PXDNL: variants seen among roughly 807,000 people sequenced by gnomAD.
The protein encoded by PXDNL is probable oxidoreductase PXDNL.
A neutral mutation model predicts 150.8 loss-of-function variants in PXDNL; 145 were observed. The ratio of observed to expected loss-of-function variants is 0.96; its 90% CI spans 0.84 to 1.10. PXDNL has a LOEUF of 1.10. PXDNL is among the 50% of genes least tolerant of loss of function. The pLI is 0.00. For synonymous variants in PXDNL, 757 were observed against 725.7 expected (o/e 1.04, Z -0.69); for missense variants, 2,087 against 1,873.9 (o/e 1.11, Z -2.10).
At chr8:51,465,848 A>T (rs1810193924) in intron 8 of PXDNL, among the ~76,000 whole-genome samples, 1 of 152,172 alleles carries the variant, frequency 6.6e-6, no homozygotes, top group Non-Finnish European at 1.5e-5. Context: ...CAAGTAAGTG[A>T]AATATTGCTG....
intron 1 of PXDNL, among the ~76,000 whole-genome samples, chr8:51,769,914 T>C (rs947014420): frequency 1.3e-5 from 2 of 152,188 alleles, no homozygotes; most frequent in African/African-American, 4.8e-5. Context: ...CCACTGACCC[T>C]TCAACTGGAC....
chr8:51,700,464 T>TAC (rs1474858611), intron 1 of PXDNL, among the ~76,000 whole-genome samples: 1 of 151,530 alleles, frequency 6.6e-6, no homozygotes, highest in Non-Finnish European at 1.5e-5. Flanking sequence ...CACATATATC[T>TAC]ACACACACAT....
At chr8:51,603,982 C>A (rs1208620817) in intron 2 of PXDNL, among the ~76,000 whole-genome samples, 5 of 151,974 alleles carry the variant, frequency 3.3e-5, no homozygotes, top group Admixed American at 6.6e-5. Flanking sequence ...GGATCTATAC[C>A]AAAACCAAAG....
intron 1 of PXDNL, among the ~76,000 whole-genome samples, chr8:51,705,256 C>T (rs568945254): frequency 7.2e-5 from 11 of 152,274 alleles, no homozygotes; most frequent in Middle Eastern, 6.8e-3. Flanking sequence ...TCTCTATGTC[C>T]GGGCTCTCTC....
chr8:51,767,342 T>A (rs767032431), intron 1 of PXDNL, among the ~76,000 whole-genome samples: 4 of 152,084 alleles, frequency 2.6e-5, no homozygotes, highest in Admixed American at 2.0e-4. Context: ...ACTTTTAAAA[T>A]CTGAACCCCT....
chr8:51,696,007 T>C (rs1235609911), intron 1 of PXDNL, among the ~76,000 whole-genome samples: 2 of 152,210 alleles, frequency 1.3e-5, no homozygotes, highest in Admixed American at 6.5e-5. Flanking sequence ...CCTAAAATAC[T>C]GCACAAAGGT....
chr8:51,614,671 T>C (rs1181292716), intron 2 of PXDNL, among the ~76,000 whole-genome samples: 2 of 152,216 alleles, frequency 1.3e-5, no homozygotes, highest in South Asian at 4.1e-4. Flanking sequence ...CAGATGATTT[T>C]TAAAATCGAC....
At chr8:51,696,657 C>CCACACACATCCA (rs56147312) in intron 1 of PXDNL, among the ~76,000 whole-genome samples, 2 of 3,176 alleles carry the variant, frequency 6.3e-4, no homozygotes, top group East Asian at 8.9e-3. Flanking sequence ...CCACACACAT[C>CCACACACATCCA]CACACACAGG....
chr8:51,767,464 TGTTA>T (rs2037244367), intron 1 of PXDNL, among the ~76,000 whole-genome samples: 1 of 152,172 alleles, frequency 6.6e-6, no homozygotes, highest in Admixed American at 6.5e-5. Context: ...GTTAGCTAAT[TGTTA>T]GTTAGCTAAT....
At chr8:51,678,431 G>A (rs7821482) in intron 1 of PXDNL, among the ~76,000 whole-genome samples, 16,447 of 151,934 alleles carry the variant, frequency 0.11, 1,358 homozygotes, top group East Asian at 0.23. Context: ...ATTTTATTGC[G>A]GCACTATTCA....
chr8:51,573,865 G>C (rs189689770), intron 3 of PXDNL, among the ~76,000 whole-genome samples: 151 of 152,030 alleles, frequency 9.9e-4, no homozygotes, highest in East Asian at 7.8e-4. Flanking sequence ...ATATAGATGG[G>C]CTCTAATTTT....
At chr8:51,473,785 G>C (rs1475221388) in intron 7 of PXDNL, among the ~76,000 whole-genome samples, 1 of 150,540 alleles carries the variant, frequency 6.6e-6, no homozygotes, top group Admixed American at 6.6e-5. Context: ...TGGAGGAGCA[G>C]AGTGTAGCCA....
intron 1 of PXDNL, among the ~76,000 whole-genome samples, chr8:51,662,558 T>TA (rs1304817383): frequency 6.6e-6 from 1 of 152,040 alleles, no homozygotes; most frequent in Non-Finnish European, 1.5e-5. Context: ...ACAATAAAAA[T>TA]ACACATTTTA....
intron 1 of PXDNL, among the ~76,000 whole-genome samples, chr8:51,763,648 A>T (rs1317608986): frequency 6.6e-6 from 1 of 152,160 alleles, no homozygotes; most frequent in Admixed American, 6.5e-5. Context: ...AAGCTTTTTA[A>T]TAAACTTCCA....
At chr8:51,358,273 G>C (rs1806583121) in intron 19 of PXDNL, among the ~76,000 whole-genome samples, 1 of 152,204 alleles carries the variant, frequency 6.6e-6, no homozygotes, top group Non-Finnish European at 1.5e-5. Flanking sequence ...TAAAAGACAG[G>C]AGGGGGCTAG....
intron 19 of PXDNL, among the ~76,000 whole-genome samples, chr8:51,349,816 T>C (rs1031732604): frequency 1.3e-5 from 2 of 152,216 alleles, no homozygotes; most frequent in African/African-American, 4.8e-5. Context: ...ATCCCAATGC[T>C]GCATTCCATA....
chr8:51,527,322 C>A (rs1057220492), intron 4 of PXDNL, among the ~76,000 whole-genome samples: 1 of 152,116 alleles, frequency 6.6e-6, no homozygotes, highest in Non-Finnish European at 1.5e-5. Context: ...TGATTTAGCA[C>A]GTTTGCTCCC....
At chr8:51,777,631 GT>G (rs1563318404) in intron 1 of PXDNL, among the ~76,000 whole-genome samples, 1 of 152,176 alleles carries the variant, frequency 6.6e-6, no homozygotes, top group African/African-American at 2.4e-5. Context: ...GCCAGGCAAG[GT>G]GTCTCATTGC....
chr8:51,398,012 T>A (rs1205484818), intron 17 of PXDNL, among the ~76,000 whole-genome samples: 1 of 151,798 alleles, frequency 6.6e-6, no homozygotes, highest in African/African-American at 2.4e-5. Flanking sequence ...GGGAAAAATA[T>A]AATTTAGAAT....
Sources: allele counts gnomAD v4.1 joint callset (sites outside exome capture counted in the v4.1 genomes callset), GRCh38; gene constraint gnomAD v4.1.1; transcripts MANE v1.5; gene names NCBI Gene and HGNC (gene_info 2026-07-23, HGNC 2026-07-21).